The following PTPRE variants were observed in gnomAD, a reference collection of about 807,000 sequenced individuals.
The protein encoded by PTPRE is receptor-type tyrosine-protein phosphatase epsilon.
Under a neutral mutation model 102.0 loss-of-function variants are expected in PTPRE, and 51 were observed. That is an observed-to-expected ratio of 0.50 (90% CI 0.40 to 0.63). PTPRE has a LOEUF of 0.63. Ranked by LOEUF, PTPRE falls within the 30% of genes least tolerant of loss-of-function variation. The pLI is 0.00. For missense variants in PTPRE, 752 were observed against 915.1 expected (o/e 0.82, Z 2.30); for synonymous variants, 345 against 348.2 (o/e 0.99, Z 0.10).
chr10:128,002,785 C>T (rs1564870537), intron 2 of PTPRE, among the ~76,000 whole-genome samples: 1 of 134,032 alleles, frequency 7.5e-6, no homozygotes, highest in Admixed American at 9.0e-5. Context: ...TCTTGACCTC[C>T]TGGGCTTAAG....
intron 6 of PTPRE, among the ~76,000 whole-genome samples, chr10:128,053,265 T>TA (rs1273612141): frequency 2.0e-5 from 3 of 151,906 alleles, no homozygotes; most frequent in Admixed American, 6.6e-5. Context: ...ATAAAAATGT[T>TA]AAAAAAGGAA....
At chr10:128,029,501 C>T (rs551317553) in intron 2 of PTPRE, among the ~76,000 whole-genome samples, 331 of 152,298 alleles carry the variant, frequency 2.2e-3, no homozygotes, top group African/African-American at 7.8e-3. Context: ...ACCTCGGCTA[C>T]AGCAGATGAG....
Position 128,049,820 on chromosome 10 carries a change from T to C in PTPRE, c.420+154T>C, listed in dbSNP as rs529597909. On this transcript the variant is annotated intron_variant, in intron 6 of 20. Coordinates refer to ENST00000254667, the MANE Select transcript of PTPRE (RefSeq NM_006504.6). The stretch of plus-strand genomic sequence containing the variant: ...TGGGCGTGTGAGGAAACCTGGTGTG[T>C]GGTGCAGTGCCCTTTGCCAATGCTT... Among the ~76,000 whole-genome samples the C allele has an allele frequency of 4.6e-5, 7 of 152,310 alleles. No individual in the cohort carries two copies. In the South Asian group the frequency reaches 1.4e-3, roughly 32 times the overall value.
chr10:127,914,788 G>A (rs959635413), intron 1 of PTPRE, among the ~76,000 whole-genome samples: 7 of 152,132 alleles, frequency 4.6e-5, no homozygotes, highest in South Asian at 2.1e-4. Context: ...CTTGTCAACC[G>A]AGGAGACCTG....
intron 1 of PTPRE, among the ~76,000 whole-genome samples, chr10:127,928,894 T>C (rs1847219983): frequency 1.3e-5 from 2 of 152,210 alleles, no homozygotes; most frequent in Admixed American, 1.3e-4. Flanking sequence ...GTCAGTTGCC[T>C]TTCACACAGG....
At chr10:127,948,151 A>T (rs1044870411) in intron 1 of PTPRE, among the ~76,000 whole-genome samples, 2 of 152,156 alleles carry the variant, frequency 1.3e-5, no homozygotes, top group Admixed American at 1.3e-4. Flanking sequence ...CAGATGGGGA[A>T]GGGTGAGCCT....
chr10:127,936,889 A>G (rs1429765745), intron 1 of PTPRE, among the ~76,000 whole-genome samples: 1 of 152,112 alleles, frequency 6.6e-6, no homozygotes, highest in Non-Finnish European at 1.5e-5. Context: ...TTTTAATTCT[A>G]ATTTAGTTTA....
chr10:128,041,008 T>A lies in PTPRE; in HGVS notation c.109+18T>A. 6.2e-7 allele frequency: 1 copy of A among 1,608,136 alleles called. No individual in the cohort carries two copies. Among genetic ancestry groups the A allele is most frequent in the Middle Eastern group, 1.7e-4 (1 of 6,050 alleles). Reference sequence around the variant, plus strand: ...GACCTCAGGTAAGGACCCCTTTCCCTGGCTGCCTCCCCTACTACCTCCTCC... The same window carrying A: ...GACCTCAGGTAAGGACCCCTTTCCCAGGCTGCCTCCCCTACTACCTCCTCC... On this transcript the variant is annotated intron_variant, in intron 3 of 20. Transcript: ENST00000254667.
At chr10:127,937,095 G>T (rs1047311592) in intron 1 of PTPRE, among the ~76,000 whole-genome samples, 1 of 152,148 alleles carries the variant, frequency 6.6e-6, no homozygotes, top group Non-Finnish European at 1.5e-5. Context: ...TCCTGAAAAT[G>T]CCTGGACAAT....
intron 7 of PTPRE, among the ~76,000 whole-genome samples, chr10:128,059,814 C>A (rs1184017125): frequency 6.6e-6 from 1 of 152,136 alleles, no homozygotes; most frequent in African/African-American, 2.4e-5. Context: ...TTTTCACTGG[C>A]GACCAACCCA....
At chr10:128,000,040 A>G in intron 2 of PTPRE, 1 of 915,106 alleles carries the variant, frequency 1.1e-6, no homozygotes, top group African/African-American at 1.8e-5. Flanking sequence ...TTAGATTGTG[A>G]GGAAAAAATG....
At chr10:127,974,858 C>T (rs1375744139) in intron 1 of PTPRE, among the ~76,000 whole-genome samples, 2 of 151,376 alleles carry the variant, frequency 1.3e-5, no homozygotes, top group Admixed American at 1.3e-4. Flanking sequence ...CTGCACCTGC[C>T]TTCGTCATCT....
intron 2 of PTPRE, chr10:127,999,434 CGTT>C: frequency 1.9e-6 from 1 of 519,122 alleles, no homozygotes; most frequent in Non-Finnish European, 2.5e-6. Context: ...CGACATTGCT[CGTT>C]GTCCTTTCTT....
At chr10:127,991,952 C>G (rs1180688067) in intron 2 of PTPRE, among the ~76,000 whole-genome samples, 1 of 152,208 alleles carries the variant, frequency 6.6e-6, no homozygotes, top group Non-Finnish European at 1.5e-5. Flanking sequence ...AAGCACAGGC[C>G]GCCCTATCTT....
chr10:127,919,443 C>G (rs1209817457), intron 1 of PTPRE, among the ~76,000 whole-genome samples: 1 of 152,230 alleles, frequency 6.6e-6, no homozygotes, highest in Non-Finnish European at 1.5e-5. Context: ...CAGGGGCACG[C>G]TGCCTGCTCC....
At chr10:127,912,039 A>G (rs1251105208) in intron 1 of PTPRE, among the ~76,000 whole-genome samples, 2 of 152,274 alleles carry the variant, frequency 1.3e-5, no homozygotes, top group African/African-American at 4.8e-5. Context: ...GATGTGGGCT[A>G]GGAGACCCCT....
chr10:127,986,813 G>A (rs1852128851), intron 2 of PTPRE, among the ~76,000 whole-genome samples: 1 of 152,240 alleles, frequency 6.6e-6, no homozygotes, highest in Admixed American at 6.5e-5. Context: ...TTCCAGCAGG[G>A]CAGGAGCTAT....
At chr10:128,062,993 C>G in intron 9 of PTPRE, 90 bp from the exon 10 acceptor site, 2 of 1,572,130 alleles carry the variant, frequency 1.3e-6, no homozygotes, top group Non-Finnish European at 1.7e-6. Flanking sequence ...GAACAGCTGT[C>G]CAGGGGCCAA....
At chr10:128,075,453 C>G (rs899432067) in intron 17 of PTPRE, among the ~76,000 whole-genome samples, 1 of 152,106 alleles carries the variant, frequency 6.6e-6, no homozygotes, top group Non-Finnish European at 1.5e-5. Context: ...CCCTCCACCC[C>G]CCAACTGGCC....
Sources: allele counts gnomAD v4.1 joint callset (sites outside exome capture counted in the v4.1 genomes callset), GRCh38; gene constraint gnomAD v4.1.1; transcripts MANE v1.5; gene names NCBI Gene and HGNC (gene_info 2026-07-23, HGNC 2026-07-21).